Variants in AAK1 observed in about 807,000 individuals in gnomAD.
AAK1 encodes the protein AP2 associated kinase 1.
A neutral mutation model predicts 116.0 loss-of-function variants in AAK1; 37 were observed. The ratio of observed to expected loss-of-function variants is 0.32; its 90% CI spans 0.25 to 0.42. AAK1 has a LOEUF of 0.42. Ranked by LOEUF, AAK1 falls within the 10% of genes least tolerant of loss-of-function variation. AAK1 has a pLI of 1.00. For synonymous variants in AAK1, 458 were observed against 439.9 expected, an observed-to-expected ratio of 1.04 and a Z score of -0.51; for missense variants, 919 against 1,170.6, an observed-to-expected ratio of 0.79 and a Z score of 3.14.
At position 69,544,430 on chromosome 2, in the gene AAK1, A is replaced by G; in HGVS notation, c.391+6T>C. 1 of 1,597,386 alleles carries G rather than the reference A, an allele frequency of 6.3e-7. No homozygotes were observed. The highest frequency in any genetic ancestry group is 8.6e-7 in the Non-Finnish European group (1 of 1,165,070). ...GACAGCTTAAGGGAATGGTTCATAT[A>G]CATACCTCTACAAAAGTCCATCAGA... is the stretch of plus-strand genomic sequence containing the variant. On this transcript the variant is annotated splice_donor_region_variant and intron_variant, in intron 4 of 21. Transcript: ENST00000409085.
At chr2:69,493,718 C>T (rs577930312) in intron 17 of AAK1, among the ~76,000 whole-genome samples, 1 of 152,178 alleles carries the variant, frequency 6.6e-6, no homozygotes, top group Admixed American at 6.5e-5. Flanking sequence ...AGAAAAAGTG[C>T]CAGGGGATGT....
At chr2:69,585,878 A>G (rs746054340) in intron 2 of AAK1, among the ~76,000 whole-genome samples, 4 of 152,182 alleles carry the variant, frequency 2.6e-5, no homozygotes, top group Non-Finnish European at 4.4e-5. Flanking sequence ...ACAGATGTGG[A>G]AACTTTCTCC....
intron 3 of AAK1, among the ~76,000 whole-genome samples, chr2:69,548,491 T>C (rs1278989528): frequency 6.6e-6 from 1 of 151,918 alleles, no homozygotes; most frequent in Non-Finnish European, 1.5e-5. Flanking sequence ...TCTTTTTCTT[T>C]CTCTCTCCTT....
intron 17 of AAK1, among the ~76,000 whole-genome samples, chr2:69,484,067 C>T (rs1675197151): frequency 6.6e-6 from 1 of 152,068 alleles, no homozygotes; most frequent in African/African-American, 2.4e-5. Flanking sequence ...TGTAACTTGC[C>T]CAATTAAAGA....
At position 69,466,544 on chromosome 2, in the gene AAK1, C is replaced by T. The variant is rs935747202; in HGVS notation, c.*9325G>A. The T allele has an allele frequency of 2.5e-6, 3 of 1,188,292 alleles. No homozygotes were observed. The Admixed American group carries it at 1.1e-4, about 43-fold the overall frequency. 73.6% of individuals were successfully genotyped at this position (1,188,292 alleles called of 1,614,324 possible). A position where few individuals can be genotyped will look rare whatever the true frequency, so the allele number is the denominator to read the frequency against. The stretch of plus-strand genomic sequence containing the variant: ...TTACAGGACAGGGATTGGACTCCCT[C>T]TGGAGATCTAGAAAAGCATAAAATG... On this transcript the variant is annotated 3_prime_UTR_variant, in exon 22 of 22. Coordinates refer to ENST00000409085, the MANE Select transcript of AAK1 (RefSeq NM_014911.5).
At position 69,643,088 on chromosome 2, in the gene AAK1, T is replaced by TA; in HGVS notation, c.-49_-48insT. ...GCAAAATACCGATGGTTTCTAGATT[T>TA]TTTTTTTTTTTTTTTTTTTTTAAGA... On this transcript the variant is annotated 5_prime_UTR_variant, in exon 2 of 22. Transcript: ENST00000409085. 3 of 1,036,790 alleles carry TA rather than the reference T, an allele frequency of 2.9e-6. No homozygotes were observed. Among genetic ancestry groups the TA allele is most frequent in the Non-Finnish European group, 3.9e-6 (3 of 763,162 alleles). The allele number at this position is 1,036,790 out of a possible 1,614,324, so 64.2% of individuals were successfully genotyped here.
At chr2:69,572,652 A>ATATTC (rs1672135965) in intron 2 of AAK1, among the ~76,000 whole-genome samples, 1 of 151,440 alleles carries the variant, frequency 6.6e-6, no homozygotes, top group Admixed American at 6.6e-5. Flanking sequence ...AAGCATACAA[A>ATATTC]TATTCTTTAT....
intron 2 of AAK1, chr2:69,597,967 T>TG (rs1391287308): frequency 4.3e-5 from 13 of 302,938 alleles, no homozygotes; most frequent in Non-Finnish European, 7.3e-5. Context: ...TTACTTGAGA[T>TG]GAAAAAAAAG....
In AAK1 at chr2:69,475,959, C is replaced by T; in HGVS notation, c.2796G>A (p.Gly932=). The change falls in exon 22 of 22, where the codon GGG becomes GGA. Residue 932 remains glycine (G), a synonymous_variant. Transcript: ENST00000409085. The part of the protein sequence containing the change: ...PVLITKNPQG[G]HSRNSSGSSE... ...AGCTCCCACTGCTGTTTCTAGAGTGCCCACCTGGAAGTGGAGAGATAGGAA... is the reference window on the plus strand; with the variant it reads ...AGCTCCCACTGCTGTTTCTAGAGTGTCCACCTGGAAGTGGAGAGATAGGAA... 1 of 1,611,052 alleles carries T rather than the reference C, an allele frequency of 6.2e-7. No homozygotes were observed. The highest frequency in any genetic ancestry group is 2.2e-5 in the East Asian group (1 of 44,820).
intron 2 of AAK1, among the ~76,000 whole-genome samples, chr2:69,574,241 C>A (rs1672205450): frequency 6.6e-6 from 1 of 151,404 alleles, no homozygotes; most frequent in African/African-American, 2.4e-5. Flanking sequence ...TATAGTGGTG[C>A]ACACCTGTAA....
At chr2:69,592,868 T>A (rs1407579973) in intron 2 of AAK1, among the ~76,000 whole-genome samples, 3 of 152,334 alleles carry the variant, frequency 2.0e-5, no homozygotes, top group Non-Finnish European at 4.4e-5. Flanking sequence ...GTGAGTGTCT[T>A]AAGGCTCATC....
At chr2:69,485,660 T>TC (rs1382544939) in intron 17 of AAK1, among the ~76,000 whole-genome samples, 5 of 135,742 alleles carry the variant, frequency 3.7e-5, no homozygotes, top group East Asian at 2.0e-4. Context: ...AAAATCTCTC[T>TC]TTTTTTTTTT....
rs1403507218 is a variant in AAK1, at chr2:69,458,728, C to T, written c.*17141G>A. On this transcript the variant is annotated 3_prime_UTR_variant, in exon 22 of 22. Transcript: ENST00000409085. The stretch of plus-strand genomic sequence containing the variant: ...ATGAGCACACACACACACACACACA[C>T]CCCATTCACACTCAAATAGGAATCT... 6.6e-6 allele frequency: 1 copy of T among 152,284 alleles called. No homozygotes were observed. Among genetic ancestry groups the T allele is most frequent in the Non-Finnish European group, 1.5e-5 (1 of 67,992 alleles). 9.4% of individuals were successfully genotyped at this position (152,284 alleles called of 1,614,324 possible).
At chr2:69,642,581 A>G (rs1675788613) in intron 2 of AAK1, among the ~76,000 whole-genome samples, 1 of 151,968 alleles carries the variant, frequency 6.6e-6, no homozygotes, top group Non-Finnish European at 1.5e-5. Context: ...AAAGCTTTAC[A>G]CTTTCACACA....
In AAK1 at chr2:69,476,076, A is replaced by C. The variant is rs751726420; in HGVS notation, c.2792-113T>G. 9.4e-4 allele frequency: 1,388 copies of C among 1,470,290 alleles called. 3 individuals are homozygous for C. Among genetic ancestry groups the C allele is most frequent in the Non-Finnish European group, 1.1e-3 (1,264 of 1,114,328 alleles). The allele number at this position is 1,470,290 out of a possible 1,614,324, so 91.1% of individuals were successfully genotyped here. A position where few individuals can be genotyped will look rare whatever the true frequency, so the allele number is the denominator to read the frequency against. On this transcript the variant is annotated intron_variant, in intron 21 of 21. Transcript: ENST00000409085. ...AAAACCAAAACCAAAACAAAAAAAA[A>C]CCAAAAAAACCAAACCCTAGAGAAG...
chr2:69,579,796 C>T (rs977468532), intron 2 of AAK1, among the ~76,000 whole-genome samples: 1 of 152,126 alleles, frequency 6.6e-6, no homozygotes, highest in African/African-American at 2.4e-5. Flanking sequence ...TTGATTTCAC[C>T]CATTAGGCAT....
At chr2:69,528,594 C>T (rs541688086) in intron 8 of AAK1, among the ~76,000 whole-genome samples, 42 of 152,272 alleles carry the variant, frequency 2.8e-4, no homozygotes, top group African/African-American at 9.9e-4. Flanking sequence ...TTCTTCCAGG[C>T]TTCAATGGTG....
In AAK1 at chr2:69,468,580, A is replaced by C. The variant is rs768074092; in HGVS notation, c.*7289T>G. The C allele has an allele frequency of 9.7e-5, 96 of 985,344 alleles. No individual in the cohort carries two copies. The highest frequency in any genetic ancestry group is 1.1e-4 in the Non-Finnish European group (94 of 829,940). 61.0% of individuals were successfully genotyped at this position (985,344 alleles called of 1,614,324 possible). A position where few individuals can be genotyped will look rare whatever the true frequency, so the allele number is the denominator to read the frequency against. On this transcript the variant is annotated 3_prime_UTR_variant, in exon 22 of 22. Transcript: ENST00000409085. ...GGAAAACTTAGTCAAGCCAGTGACC[A>C]ACTCTGGCATCATACAGGTCAATAA...
chr2:69,572,853 C>A (rs1211315005), intron 2 of AAK1, among the ~76,000 whole-genome samples: 2 of 151,952 alleles, frequency 1.3e-5, no homozygotes, highest in African/African-American at 4.8e-5. Flanking sequence ...AAACAGAAAC[C>A]TAGTGACTCC....
Sources: gnomAD v4.1 joint callset for allele counts (sites outside exome capture counted in the v4.1 genomes callset) on GRCh38, gnomAD v4.1.1 for gene constraint, MANE v1.5 for transcripts, NCBI Gene and HGNC (gene_info 2026-07-23, HGNC 2026-07-21) for gene names.